Variants in CNOT6L observed in about 807,000 individuals in gnomAD.
The protein encoded by CNOT6L is CCR4-NOT transcription complex subunit 6-like.
Under a neutral mutation model 64.0 loss-of-function variants are expected in CNOT6L, and 7 were observed. That is an observed-to-expected ratio of 0.11 (90% CI 0.06 to 0.21). CNOT6L has a LOEUF of 0.21. Among genes scored for constraint, CNOT6L ranks in the 10% least tolerant of loss-of-function variants. The probability of loss-of-function intolerance (pLI) is 1.00; values close to 1 mark genes in which losing one functional copy is unlikely to be tolerated. For missense variants in CNOT6L, 245 were observed against 669.0 expected (o/e 0.37, Z 6.99); for synonymous variants, 193 against 243.4 (o/e 0.79, Z 1.93).
chr4:77,742,527 C>A, intron 7 of CNOT6L: 1 of 558,962 alleles, frequency 1.8e-6, no homozygotes. Context: ...CAGATAGTAA[C>A]AGGAGTAGGA....
intron 8 of CNOT6L, among the ~76,000 whole-genome samples, chr4:77,739,653 G>C (rs1181772637): frequency 1.3e-5 from 2 of 152,154 alleles, no homozygotes; most frequent in African/African-American, 4.8e-5. Flanking sequence ...GTCATTCCAG[G>C]AAAGAAGTTG....
chr4:77,802,314 C>A (rs1731678274), intron 1 of CNOT6L, among the ~76,000 whole-genome samples: 1 of 152,192 alleles, frequency 6.6e-6, no homozygotes, highest in Non-Finnish European at 1.5e-5. Context: ...AACTATTTCT[C>A]CCAAATATTA....
At chr4:77,743,237 C>A (rs914497740) in intron 7 of CNOT6L, among the ~76,000 whole-genome samples, 1 of 151,934 alleles carries the variant, frequency 6.6e-6, no homozygotes, top group East Asian at 1.9e-4. Flanking sequence ...CTTTTTAATA[C>A]AGTATAGTAT....
At chr4:77,786,794 G>A (rs538699639) in intron 1 of CNOT6L, among the ~76,000 whole-genome samples, 1 of 151,888 alleles carries the variant, frequency 6.6e-6, no homozygotes, top group African/African-American at 2.4e-5. Context: ...TTTTAAAAAA[G>A]GAAACAATAT....
At chr4:77,787,788 A>G (rs1249628267) in intron 1 of CNOT6L, among the ~76,000 whole-genome samples, 1 of 152,216 alleles carries the variant, frequency 6.6e-6, no homozygotes, top group East Asian at 1.9e-4. Flanking sequence ...ACCTAACTTT[A>G]TTTCACTTAA....
At chr4:77,778,939 C>G (rs200461644) in intron 1 of CNOT6L, among the ~76,000 whole-genome samples, 4 of 149,270 alleles carry the variant, frequency 2.7e-5, no homozygotes, top group African/African-American at 4.9e-5. Context: ...CCCAGCTACT[C>G]GGGAGGCTGA....
intron 1 of CNOT6L, among the ~76,000 whole-genome samples, chr4:77,786,522 G>T (rs551933082): frequency 8.5e-5 from 13 of 152,222 alleles, no homozygotes; most frequent in Non-Finnish European, 1.6e-4. Context: ...CACTCAGGCT[G>T]GAGTACAGTG....
chr4:77,792,562 C>A (rs1730286246), intron 1 of CNOT6L, among the ~76,000 whole-genome samples: 1 of 151,888 alleles, frequency 6.6e-6, no homozygotes, highest in Non-Finnish European at 1.5e-5. Context: ...CCCGTCTCTA[C>A]TAAAAATACA....
At chr4:77,747,480 T>A (rs1278945528) in intron 6 of CNOT6L, among the ~76,000 whole-genome samples, 1 of 152,190 alleles carries the variant, frequency 6.6e-6, no homozygotes, top group Admixed American at 6.5e-5. Flanking sequence ...AATCTATTAA[T>A]GTAGTACTAT....
chr4:77,779,964 A>G (rs1577977229), intron 1 of CNOT6L, among the ~76,000 whole-genome samples: 1 of 152,260 alleles, frequency 6.6e-6, no homozygotes, highest in East Asian at 1.9e-4. Context: ...ACCCTGTCTC[A>G]ATCAATCAAT....
At chr4:77,782,623 T>C (rs968384470) in intron 1 of CNOT6L, among the ~76,000 whole-genome samples, 1 of 147,838 alleles carries the variant, frequency 6.8e-6, no homozygotes, top group African/African-American at 2.5e-5. Context: ...ATTACAGGCA[T>C]GAGCCACAGT....
chr4:77,764,818 G>A (rs560019352), intron 4 of CNOT6L, among the ~76,000 whole-genome samples: 7 of 152,144 alleles, frequency 4.6e-5, no homozygotes, highest in Admixed American at 3.9e-4. Context: ...CATCGCCCCT[G>A]TTCAGCATGA....
chr4:77,773,286 T>G, intron 3 of CNOT6L, 120 bp from the exon 4 acceptor site: 1 of 596,780 alleles, frequency 1.7e-6, no homozygotes, highest in Non-Finnish European at 2.9e-6. Flanking sequence ...CAAGGCACAT[T>G]TCTATGTGCT....
intron 8 of CNOT6L, among the ~76,000 whole-genome samples, chr4:77,740,625 T>A (rs2109934602): frequency 6.6e-6 from 1 of 152,238 alleles, no homozygotes; most frequent in South Asian, 2.1e-4. Context: ...TGCTTTAAAA[T>A]TTGAACAAGA....
chr4:77,784,951 T>G (rs1187925091), intron 1 of CNOT6L, among the ~76,000 whole-genome samples: 3 of 152,240 alleles, frequency 2.0e-5, no homozygotes, highest in Admixed American at 6.5e-5. Flanking sequence ...ATTCTAAAAT[T>G]TATACGGAAA....
Position 77,720,409 on chromosome 4 carries a change from G to A in CNOT6L, c.*22C>T, listed in dbSNP as rs533626057. On this transcript the variant is annotated 3_prime_UTR_variant, in exon 12 of 12. Coordinates refer to ENST00000504123, the MANE Select transcript of CNOT6L (RefSeq NM_144571.3). ...TACAGGTCCATAGCAACAGATCCCC[G>A]TCTTGGCGGGGCAGTACTCCACTAC... is the stretch of plus-strand genomic sequence containing the variant. 1.4e-4 allele frequency: 233 copies of A among 1,613,036 alleles called. No homozygotes were observed. The East Asian group carries it at 3.9e-3, about 27-fold the overall frequency.
At chr4:77,806,417 C>A (rs1489061640) in intron 1 of CNOT6L, among the ~76,000 whole-genome samples, 1 of 151,302 alleles carries the variant, frequency 6.6e-6, no homozygotes, top group Non-Finnish European at 1.5e-5. Context: ...AAGAGCAAAA[C>A]TCTGTCTCAA....
At chr4:77,747,624 T>TAA (rs1724351619) in intron 6 of CNOT6L, among the ~76,000 whole-genome samples, 1 of 152,218 alleles carries the variant, frequency 6.6e-6, no homozygotes, top group Non-Finnish European at 1.5e-5. Flanking sequence ...ATTCATAACT[T>TAA]ATTTTAAGTA....
intron 4 of CNOT6L, among the ~76,000 whole-genome samples, chr4:77,765,474 G>C (rs768682303): frequency 2.0e-5 from 3 of 152,104 alleles, no homozygotes; most frequent in African/African-American, 7.2e-5. Flanking sequence ...CAGTTTTACA[G>C]GACTGTTTTA....
Sources: allele counts gnomAD v4.1 joint callset (sites outside exome capture counted in the v4.1 genomes callset), GRCh38; gene constraint gnomAD v4.1.1; transcripts MANE v1.5; gene names NCBI Gene and HGNC (gene_info 2026-07-23, HGNC 2026-07-21).